Variants in EFHC1 observed in about 807,000 individuals in gnomAD.
EFHC1 encodes EF-hand domain-containing protein 1.
A neutral mutation model predicts 69.9 loss-of-function variants in EFHC1; 53 were observed. The ratio of observed to expected loss-of-function variants is 0.76; its 90% CI spans 0.61 to 0.95. The LOEUF (loss-of-function observed/expected upper bound fraction) is 0.95. Ranked by LOEUF, EFHC1 falls within the 40% of genes least tolerant of loss-of-function variation. The probability of loss-of-function intolerance (pLI) is 0.00; values close to 1 mark genes in which losing one functional copy is unlikely to be tolerated. For missense variants in EFHC1, 739 were observed against 798.7 expected, an observed-to-expected ratio of 0.93 and a Z score of 0.90; for synonymous variants, 256 against 278.4, an observed-to-expected ratio of 0.92 and a Z score of 0.80.
intron 2 of EFHC1, among the ~76,000 whole-genome samples, chr6:52,436,494 G>C (rs1164526630): frequency 5.3e-5 from 8 of 151,970 alleles, no homozygotes; most frequent in South Asian, 2.1e-4. Flanking sequence ...TCTAGTAGAG[G>C]CTTGGGTAAA....
chr6:52,481,479 A>G (rs1581848661), intron 9 of EFHC1: 2 of 150,916 alleles, frequency 1.3e-5, no homozygotes, highest in South Asian at 4.2e-4. Flanking sequence ...GCATATAGTG[A>G]TATTTTAGGC....
At chr6:52,421,799 A>C (rs1764196706) in intron 1 of EFHC1, among the ~76,000 whole-genome samples, 2 of 152,316 alleles carry the variant, frequency 1.3e-5, no homozygotes, top group South Asian at 4.1e-4. Flanking sequence ...TAATTTAGAA[A>C]ATGTTGTAGG....
At chr6:52,463,296 A>G (rs1765216179) in intron 5 of EFHC1, among the ~76,000 whole-genome samples, 3 of 151,436 alleles carry the variant, frequency 2.0e-5, no homozygotes, top group African/African-American at 7.3e-5. Flanking sequence ...TGCTGAGATT[A>G]TAGGCATGAG....
chr6:52,481,747 G>A (rs944384604), intron 9 of EFHC1: 5 of 152,306 alleles, frequency 3.3e-5, no homozygotes, highest in African/African-American at 9.7e-5. Context: ...CTGGGCTCAA[G>A]TGATTCTGCC....
intron 9 of EFHC1, among the ~76,000 whole-genome samples, chr6:52,481,216 T>G (rs1208345855): frequency 6.6e-6 from 1 of 152,022 alleles, no homozygotes; most frequent in East Asian, 1.9e-4. Context: ...GGGAAAAGAA[T>G]AATTAAGGAT....
Position 52,492,347 on chromosome 6 carries a change from T to G in EFHC1, c.*6T>G. 6.2e-7 allele frequency: 1 copy of G among 1,613,572 alleles called. No individual in the cohort carries two copies. Among genetic ancestry groups the G allele is most frequent in the Non-Finnish European group, 8.5e-7 (1 of 1,179,642 alleles). On this transcript the variant is annotated 3_prime_UTR_variant, in exon 11 of 11. Transcript: ENST00000371068. Reference sequence around the variant, plus strand: ...TTCGTGCTTTCTCAAACTGACCTGCTGATGAGAAAATGCAAGACAATTTTT... The same window carrying G: ...TTCGTGCTTTCTCAAACTGACCTGCGGATGAGAAAATGCAAGACAATTTTT...
intron 5 of EFHC1, among the ~76,000 whole-genome samples, 156 bp from the exon 6 acceptor site, chr6:52,464,739 A>G (rs1209261551): frequency 1.3e-5 from 2 of 152,236 alleles, no homozygotes; most frequent in African/African-American, 4.8e-5. Context: ...TACACAGCCA[A>G]GTGTTCTAGT....
chr6:52,460,544 A>G (rs1159350573), intron 5 of EFHC1, among the ~76,000 whole-genome samples: 1 of 152,216 alleles, frequency 6.6e-6, no homozygotes, highest in Non-Finnish European at 1.5e-5. Context: ...GTAAAGTTGT[A>G]AAAATATAAA....
rs1246548743 is a variant in EFHC1 at position 52,438,378 on chromosome 6, G to A, written c.360G>A (p.Val120=). ...STEEQYRIRQ[V]NIYYYLEDDS... ...AGGAACAGTATAGGATCCGTCAGGTGAACATTTACTATTATCTAGAAGATG... is the reference window on the plus strand; with the variant it reads ...AGGAACAGTATAGGATCCGTCAGGTAAACATTTACTATTATCTAGAAGATG... The change falls in exon 3 of 11, where the codon GTG becomes GTA. Residue 120 remains valine (V), a synonymous_variant. Coordinates refer to ENST00000371068, the MANE Select transcript of EFHC1 (RefSeq NM_018100.4). 1.2e-6 allele frequency: 2 copies of A among 1,613,912 alleles called. No individual in the cohort carries two copies.
At chr6:52,455,823 G>A (rs1228142014) in intron 5 of EFHC1, among the ~76,000 whole-genome samples, 1 of 152,152 alleles carries the variant, frequency 6.6e-6, no homozygotes, top group Non-Finnish European at 1.5e-5. Flanking sequence ...GCAAGGAGTT[G>A]GAGGTTTCCA....
chr6:52,446,518 TG>T (rs1195579362), intron 3 of EFHC1, among the ~76,000 whole-genome samples: 3 of 152,226 alleles, frequency 2.0e-5, no homozygotes, highest in Non-Finnish European at 4.4e-5. Context: ...TTATCCAATT[TG>T]CCAGTCTGTG....
chr6:52,446,987 C>G (rs919886355), intron 3 of EFHC1, among the ~76,000 whole-genome samples: 2 of 152,162 alleles, frequency 1.3e-5, no homozygotes, highest in Non-Finnish European at 2.9e-5. Context: ...TCTGGCTGCC[C>G]TTAACATTTT....
At chr6:52,490,799 G>T in intron 10 of EFHC1, 1 of 205,246 alleles carries the variant, frequency 4.9e-6, no homozygotes, top group Admixed American at 5.4e-5. Context: ...TGTCAGTAGT[G>T]GTAGCATGGC....
intron 2 of EFHC1, among the ~76,000 whole-genome samples, chr6:52,425,215 A>G (rs1764277699): frequency 6.6e-6 from 1 of 152,158 alleles, no homozygotes; most frequent in African/African-American, 2.4e-5. Context: ...CTAAACATCC[A>G]CTAAACAGTA....
intron 7 of EFHC1, among the ~76,000 whole-genome samples, chr6:52,475,556 T>TTGAA (rs1490209109): frequency 6.6e-6 from 1 of 152,308 alleles, no homozygotes; most frequent in East Asian, 1.9e-4. Context: ...CTGAATGTCT[T>TTGAA]CCAAGAGATA....
chr6:52,495,156 G>A lies in EFHC1; in HGVS notation c.*2815G>A, dbSNP rs1248197317. ...CTTTCAGGCTGACACACCTTCCAGG[G>A]TGTGCACTCTCGCCATGTTCTCACC... is the stretch of plus-strand genomic sequence containing the variant. On this transcript the variant is annotated 3_prime_UTR_variant, in exon 11 of 11. Coordinates refer to ENST00000371068, the MANE Select transcript of EFHC1 (RefSeq NM_018100.4). 2 of 453,958 alleles carry A rather than the reference G, an allele frequency of 4.4e-6. No homozygotes were observed. The highest frequency in any genetic ancestry group is 4.0e-5 in the African/African-American group (2 of 49,994). The allele number at this position is 453,958 out of a possible 1,614,324, so 28.1% of individuals were successfully genotyped here.
chr6:52,452,856 A>G lies in EFHC1; in HGVS notation c.723+19A>G, dbSNP rs546444184. The G allele has an allele frequency of 6.2e-7, 1 of 1,614,040 alleles. No homozygotes were observed. Among genetic ancestry groups the G allele is most frequent in the Non-Finnish European group, 8.5e-7 (1 of 1,180,030 alleles). On this transcript the variant is annotated intron_variant, in intron 4 of 10. Coordinates refer to ENST00000371068, the MANE Select transcript of EFHC1 (RefSeq NM_018100.4). ...CAAACAGGTAAGTGACATAGGAACC[A>G]CAATAGGCTTACTTATTTCCAAATG... is the stretch of plus-strand genomic sequence containing the variant.
chr6:52,487,264 T>G (rs1765805761), intron 9 of EFHC1: 1 of 152,216 alleles, frequency 6.6e-6, no homozygotes, highest in Admixed American at 6.5e-5. Context: ...CTACATATAA[T>G]ATTGATTACT....
At position 52,479,804 on chromosome 6, in the gene EFHC1, T is replaced by C; in HGVS notation, c.1640+17T>C. 6.2e-7 allele frequency: 1 copy of C among 1,613,552 alleles called. No homozygotes were observed. Among genetic ancestry groups the C allele is most frequent in the Non-Finnish European group, 8.5e-7 (1 of 1,179,958 alleles). On this transcript the variant is annotated intron_variant, in intron 9 of 10. Coordinates refer to ENST00000371068, the MANE Select transcript of EFHC1 (RefSeq NM_018100.4). Reference sequence around the variant, plus strand: ...AGCAGAAAGGTGTGTGTTTGATTGCTAGGGTTTGGCACACTCAAGATATTC... The same window carrying C: ...AGCAGAAAGGTGTGTGTTTGATTGCCAGGGTTTGGCACACTCAAGATATTC...
Sources: allele counts gnomAD v4.1 joint callset (sites outside exome capture counted in the v4.1 genomes callset), GRCh38; gene constraint gnomAD v4.1.1; transcripts MANE v1.5; gene names NCBI Gene and HGNC (gene_info 2026-07-23, HGNC 2026-07-21).